The following EMP3 variants were observed in gnomAD, a reference collection of about 807,000 sequenced individuals.
EMP3 encodes the protein epithelial membrane protein 3 (MAM blood group), also known as epithelial membrane protein 3.
A neutral mutation model predicts 21.6 loss-of-function variants in EMP3; 15 were observed. That is an observed-to-expected ratio of 0.69 (90% CI 0.46 to 1.07). The LOEUF (loss-of-function observed/expected upper bound fraction) is 1.07. EMP3 is among the 50% of genes least tolerant of loss of function. The pLI is 0.00. For missense variants in EMP3, 183 were observed against 206.6 expected, an observed-to-expected ratio of 0.89 and a Z score of 0.70; for synonymous variants, 107 against 86.1, an observed-to-expected ratio of 1.24 and a Z score of -1.34.
intron 2 of EMP3, 56 bp from the exon 3 acceptor site, chr19:48,327,465 C>A: frequency 7.4e-7 from 1 of 1,345,570 alleles, no homozygotes. Context: ...TCTGCCTGAC[C>A]CTATCCCCTC....
rs1969168037 is a variant in EMP3, at chr19:48,329,227, C to T, written c.182-125C>T. 8.5e-7 allele frequency: 1 copy of T among 1,179,884 alleles called. No individual in the cohort carries two copies. Among genetic ancestry groups the T allele is most frequent in the Non-Finnish European group, 1.2e-6 (1 of 837,184 alleles). The allele number at this position is 1,179,884 out of a possible 1,614,324, so 73.1% of individuals were successfully genotyped here. A position where few individuals can be genotyped will look rare whatever the true frequency, so the allele number is the denominator to read the frequency against. ...CAAAATAAGTGATACATCTAAGTATCTAGGCTTGTATGGGCCTAAACGGGA... is the reference window on the plus strand; with the variant it reads ...CAAAATAAGTGATACATCTAAGTATTTAGGCTTGTATGGGCCTAAACGGGA... On this transcript the variant is annotated intron_variant, in intron 3 of 4. Coordinates refer to ENST00000270221, the MANE Select transcript of EMP3 (RefSeq NM_001425.3). This position sits in a 1 kb window ranked among gnomAD's most constrained non-coding sequence, Gnocchi z 4.5.
In EMP3 at chr19:48,330,364, A is replaced by C. The variant is rs1569018757; in HGVS notation, c.386A>C (p.His129Pro). Residue 129 changes from histidine (H) to proline (P), a missense_variant, in exon 5 of 5, where the codon CAC becomes CCC. Physicochemically the swap from His to Pro is moderately conservative, Grantham distance 77 (BLOSUM62 -2). Transcript: ENST00000270221. ...AIHAEEILEK[H>P]PRGGSFGYCF... ...CACGCCGAGGAGATCCTGGAGAAGC[A>C]CCCGCGAGGGGGCAGCTTCGGATAC... 6.2e-7 allele frequency: 1 copy of C among 1,607,456 alleles called. No individual in the cohort carries two copies. Among genetic ancestry groups the C allele is most frequent in the Non-Finnish European group, 8.5e-7 (1 of 1,177,128 alleles).
chr19:48,329,519 A>G lies in EMP3; in HGVS notation c.322+27A>G. 1 of 1,613,052 alleles carries G rather than the reference A, an allele frequency of 6.2e-7. No individual in the cohort carries two copies. The highest frequency in any genetic ancestry group is 8.5e-7 in the Non-Finnish European group (1 of 1,179,362). Reference sequence around the variant, plus strand: ...TGAGCACTGCCCCTCCCCAACCCTAATCCCCCAAGAATTGAGCAGAAGGGA... The same window carrying G: ...TGAGCACTGCCCCTCCCCAACCCTAGTCCCCCAAGAATTGAGCAGAAGGGA... On this transcript the variant is annotated intron_variant, in intron 4 of 4. Coordinates refer to ENST00000270221, the MANE Select transcript of EMP3 (RefSeq NM_001425.3). The surrounding 1 kb of genome is among the most constrained non-coding windows in gnomAD (Gnocchi z 4.5).
chr19:48,328,207 C>T (rs1214101401), intron 3 of EMP3, among the ~76,000 whole-genome samples: 2 of 151,526 alleles, frequency 1.3e-5, no homozygotes, highest in Non-Finnish European at 2.9e-5. Flanking sequence ...GCCAGGAGTT[C>T]GAGACCAGCC....
At chr19:48,330,241 A>G (rs978436183) in intron 4 of EMP3, 60 bp from the exon 5 acceptor site, 1 of 1,485,138 alleles carries the variant, frequency 6.7e-7, no homozygotes, top group African/African-American at 1.4e-5. Flanking sequence ...CCCCCATGGG[A>G]TATTGGGAAA....
Position 48,329,614 on chromosome 19 carries a change from C to G in EMP3, c.322+122C>G. The G allele has an allele frequency of 7.7e-7, 1 of 1,296,560 alleles. No homozygotes were observed. Among genetic ancestry groups the G allele is most frequent in the South Asian group, 1.5e-5 (1 of 68,932 alleles). The allele number at this position is 1,296,560 out of a possible 1,614,324, so 80.3% of individuals were successfully genotyped here. A position where few individuals can be genotyped will look rare whatever the true frequency, so the allele number is the denominator to read the frequency against. On this transcript the variant is annotated intron_variant, in intron 4 of 4. Coordinates refer to ENST00000270221, the MANE Select transcript of EMP3 (RefSeq NM_001425.3). This position sits in a 1 kb window ranked among gnomAD's most constrained non-coding sequence, Gnocchi z 4.5. ...GTAGAAAAAAACAACTTTCAACACC[C>G]CACGAGCCACAAGAGGTGCCTCCGT...
In EMP3 at chr19:48,329,826, G is replaced by GT. The variant is rs1193353050; in HGVS notation, c.322+335dup. On this transcript the variant is annotated intron_variant, in intron 4 of 4. Coordinates refer to ENST00000270221, the MANE Select transcript of EMP3 (RefSeq NM_001425.3). The surrounding 1 kb of genome is among the most constrained non-coding windows in gnomAD (Gnocchi z 4.5). The stretch of plus-strand genomic sequence containing the variant: ...GTGACGTGGGGGGATAAACTAATTA[G>GT]TACCTCAGTAGAGAGCTCTAAATCA... Among the ~76,000 whole-genome samples the GT allele has an allele frequency of 6.6e-6, 1 of 152,156 alleles. No homozygotes were observed. Among genetic ancestry groups the GT allele is most frequent in the Non-Finnish European group, 1.5e-5 (1 of 68,040 alleles).
chr19:48,325,908 C>A (rs1273192921), intron 1 of EMP3: 2 of 152,202 alleles, frequency 1.3e-5, no homozygotes, highest in Admixed American at 1.3e-4. Flanking sequence ...CACCCCAAAT[C>A]TGGGAGACCT....
At chr19:48,328,883 A>G (rs1251359031) in intron 3 of EMP3, among the ~76,000 whole-genome samples, 1 of 152,192 alleles carries the variant, frequency 6.6e-6, no homozygotes, top group Non-Finnish European at 1.5e-5. Flanking sequence ...GCACCTTGGG[A>G]GGCTGAGGAG....
intron 3 of EMP3, 118 bp downstream of exon 3, chr19:48,327,741 C>A: frequency 1.1e-6 from 1 of 884,006 alleles, no homozygotes; most frequent in Non-Finnish European, 1.8e-6. Flanking sequence ...GGGGTCCAGG[C>A]CTGAGTGGCT....
chr19:48,327,664 G>A (rs1231730326), intron 3 of EMP3, 41 bp downstream of exon 3: 1 of 1,560,772 alleles, frequency 6.4e-7, no homozygotes, highest in Admixed American at 1.7e-5. Context: ...CAAAGGGGAA[G>A]GTAAACCCTT....
Position 48,326,877 on chromosome 19 carries a change from T to G in EMP3, c.33T>G (p.Leu11=). The G allele has an allele frequency of 6.2e-7, 1 of 1,614,048 alleles. No homozygotes were observed. The highest frequency in any genetic ancestry group is 8.5e-7 in the Non-Finnish European group (1 of 1,179,972). Residue 11 remains leucine, a synonymous_variant, in exon 2 of 5, where the codon CTT becomes CTG. Coordinates refer to ENST00000270221, the MANE Select transcript of EMP3 (RefSeq NM_001425.3). ...TCCTCTTGCTGGTGGTCTCAGCCCT[T>G]CACATCCTCATTCTTATACTGCTTT... is the stretch of plus-strand genomic sequence containing the variant. MSLLLLVVSA[L]HILILILLFV...
Position 48,329,159 on chromosome 19 carries a change from T to C in EMP3, c.182-193T>C. ...AAAAGGAAATTGGCAAAGCAACTAC[T>C]AGAACTGAGAAGGGAATATAGCAAG... is the stretch of plus-strand genomic sequence containing the variant. On this transcript the variant is annotated intron_variant, in intron 3 of 4. Transcript: ENST00000270221. The surrounding 1 kb of genome is among the most constrained non-coding windows in gnomAD (Gnocchi z 4.5). 3.1e-6 allele frequency: 2 copies of C among 654,520 alleles called. No individual in the cohort carries two copies. Among genetic ancestry groups the C allele is most frequent in the Non-Finnish European group, 2.5e-6 (1 of 392,834 alleles). 40.5% of individuals were successfully genotyped at this position (654,520 alleles called of 1,614,324 possible).
intron 3 of EMP3, 104 bp downstream of exon 3, chr19:48,327,727 G>T (rs1969147374): frequency 1.8e-6 from 2 of 1,107,404 alleles, no homozygotes; most frequent in Non-Finnish European, 2.7e-6. Context: ...AAGTTGGAGT[G>T]GGCGGGGTCC....
intron 1 of EMP3, chr19:48,326,033 C>A (rs1199503332): frequency 2.6e-5 from 4 of 151,934 alleles, no homozygotes; most frequent in African/African-American, 9.7e-5. Flanking sequence ...CCAACAGTCA[C>A]CAGTCTGGCA....
chr19:48,328,458 C>G (rs1424143419), intron 3 of EMP3, among the ~76,000 whole-genome samples: 1 of 148,536 alleles, frequency 6.7e-6, no homozygotes, highest in Non-Finnish European at 1.5e-5. Context: ...TCCCAAGATT[C>G]TGAGAAGACA....
intron 3 of EMP3, 97 bp downstream of exon 3, chr19:48,327,720 T>C (rs1445233073): frequency 3.3e-6 from 4 of 1,204,596 alleles, no homozygotes; most frequent in African/African-American, 3.0e-5. Flanking sequence ...CCCAACAAAG[T>C]TGGAGTGGGC....
chr19:48,330,413 CT>C lies in EMP3; in HGVS notation c.437del (p.Phe146SerfsTer?), dbSNP rs763479095. The C allele has an allele frequency of 1.2e-6, 2 of 1,601,812 alleles. No homozygotes were observed. Among genetic ancestry groups the C allele is most frequent in the Admixed American group, 3.4e-5 (2 of 58,482 alleles). ...ACTGCTTCGCCCTGGCCTGGGTGGC[CT>C]TCCCCCTCGCCCTGGTCAGCGGCAT... ...GYCFALAWVA[F>X]PLALVSGIIY... On this transcript the variant is annotated frameshift_variant, in exon 5 of 5. Transcript: ENST00000270221. LOFTEE classifies it high-confidence loss of function.
chr19:48,326,947 C>G, intron 2 of EMP3, 25 bp downstream of exon 2: 1 of 1,602,828 alleles, frequency 6.2e-7, no homozygotes, highest in Non-Finnish European at 8.5e-7. Context: ...AGCTCAGGGC[C>G]CTTCTGTTCC....
Sources: gnomAD v4.1 joint callset for allele counts (sites outside exome capture counted in the v4.1 genomes callset) on GRCh38, gnomAD v4.1.1 for gene constraint, Gnocchi (gnomAD v3.1) non-coding constraint, MANE v1.5 for transcripts, NCBI Gene and HGNC (gene_info 2026-07-23, HGNC 2026-07-21) for gene names.